Variants in CHST5 observed in about 807,000 individuals in gnomAD.
CHST5 encodes GST4-alpha.
For missense variants in CHST5, 637 were observed against 602.1 expected, an observed-to-expected ratio of 1.06 and a Z score of -0.61; for synonymous variants, 313 against 279.2, an observed-to-expected ratio of 1.12 and a Z score of -1.21.
Position 75,531,635 on chromosome 16 carries a change from C to T in CHST5, c.-1251G>A, listed in dbSNP as rs746362378. The T allele has an allele frequency of 2.6e-5, 34 of 1,303,304 alleles. No homozygotes were observed. The highest frequency in any genetic ancestry group is 2.9e-5 in the Non-Finnish European group (29 of 988,338). 80.7% of individuals were successfully genotyped at this position (1,303,304 alleles called of 1,614,324 possible). The stretch of plus-strand genomic sequence containing the variant: ...GATCACAAATCCATGGGAGATGTCT[C>T]GACATCTGGCAAAGCAGGAAGGAGA... On this transcript the variant is annotated 5_prime_UTR_variant, in exon 4 of 4. Transcript: ENST00000336257.
intron 2 of CHST5, among the ~76,000 whole-genome samples, chr16:75,534,666 A>G (rs1425747058): frequency 6.6e-6 from 1 of 151,844 alleles, no homozygotes; most frequent in African/African-American, 2.4e-5. Context: ...ACAAACAAAC[A>G]AAAAAACATT....
chr16:75,530,599 C>T lies in CHST5; in HGVS notation c.-215G>A, dbSNP rs921795378. On this transcript the variant is annotated 5_prime_UTR_variant, in exon 4 of 4. It adds an upstream start codon to the 5' untranslated region. Transcript: ENST00000336257. ...ATCAAACTGTCTACCTACCCACCCA[C>T]CCACCTACTTACATACCTACAGGCT... 1.1e-5 allele frequency: 16 copies of T among 1,419,664 alleles called. No individual in the cohort carries two copies. Among genetic ancestry groups the T allele is most frequent in the Middle Eastern group, 2.6e-4 (1 of 3,840 alleles). 87.9% of individuals were successfully genotyped at this position (1,419,664 alleles called of 1,614,324 possible).
In CHST5 at chr16:75,529,033, C is replaced by T. The variant is rs1260337653; in HGVS notation, c.*116G>A. On this transcript the variant is annotated 3_prime_UTR_variant, in exon 4 of 4. Transcript: ENST00000336257. ...GCCTACTTCAGGGGAGGACCCCAAA[C>T]TCCCGGTTGATAGTAGGGACCTGCT... is the stretch of plus-strand genomic sequence containing the variant. 1 of 1,175,868 alleles carries T rather than the reference C, an allele frequency of 8.5e-7. No homozygotes were observed. The highest frequency in any genetic ancestry group is 1.2e-6 in the Non-Finnish European group (1 of 857,736). 72.8% of individuals were successfully genotyped at this position (1,175,868 alleles called of 1,614,324 possible).
Position 75,530,517 on chromosome 16 carries a change from C to T in CHST5, c.-133G>A, listed in dbSNP as rs1597027222. On this transcript the variant is annotated 5_prime_UTR_variant, in exon 4 of 4. Coordinates refer to ENST00000336257, the MANE Select transcript of CHST5 (RefSeq NM_024533.5). ...CAGGAATACGGAGTCAAGACATAGG[C>T]CAGAATATAGTCTGTGCTCACAGCA... The T allele has an allele frequency of 4.1e-6, 6 of 1,447,162 alleles. No homozygotes were observed. In the East Asian group the frequency reaches 1.5e-4, roughly 36 times the overall value. 89.6% of individuals were successfully genotyped at this position (1,447,162 alleles called of 1,614,324 possible). A position where few individuals can be genotyped will look rare whatever the true frequency, so the allele number is the denominator to read the frequency against.
Position 75,530,040 on chromosome 16 carries a change from G to A in CHST5, c.345C>T (p.Arg115=), listed in dbSNP as rs2080502056. The A allele has an allele frequency of 5.0e-6, 8 of 1,613,404 alleles. No homozygotes were observed. The African/African-American group carries it at 9.3e-5, about 19-fold the overall frequency. Residue 115 remains arginine, a synonymous_variant, in exon 4 of 4, where the codon CGC becomes CGT. Coordinates refer to ENST00000336257, the MANE Select transcript of CHST5 (RefSeq NM_024533.5). The part of the protein sequence containing the change: ...GSAATLHMAV[R]DLMRSIFLCD... ...ACAAAAAGATAGAGCGCATCAGGTCGCGCACGGCCATGTGCAGCGTTGCCG... is the reference window on the plus strand; with the variant it reads ...ACAAAAAGATAGAGCGCATCAGGTCACGCACGGCCATGTGCAGCGTTGCCG...
At position 75,530,368 on chromosome 16, in the gene CHST5, C is replaced by T. The variant is rs752859562; in HGVS notation, c.17G>A (p.Arg6Gln). 4.5e-6 allele frequency: 7 copies of T among 1,551,060 alleles called. No homozygotes were observed. The highest frequency in any genetic ancestry group is 2.4e-5 in the South Asian group (2 of 82,670). Residue 6 changes from arginine to glutamine, a missense_variant, in exon 4 of 4, where the codon CGG becomes CAG. Coordinates refer to ENST00000336257, the MANE Select transcript of CHST5 (RefSeq NM_024533.5). Reference protein sequence around the residue: MGMRARVPKVAHSTRR... With the variant: MGMRAQVPKVAHSTRR... ...GGTGGAGTGGGCAACTTTAGGGACC[C>T]GGGCCCTCATGCCCATCCCATGCCC...
At chr16:75,532,937 C>G (rs1202755735) in intron 3 of CHST5, among the ~76,000 whole-genome samples, 152 bp downstream of exon 3, 1 of 152,248 alleles carries the variant, frequency 6.6e-6, no homozygotes, top group Non-Finnish European at 1.5e-5. Context: ...GCTCCTGGCA[C>G]TTCTGATCCC....
At chr16:75,532,685 G>C (rs1410866481) in intron 3 of CHST5, among the ~76,000 whole-genome samples, 1 of 152,186 alleles carries the variant, frequency 6.6e-6, no homozygotes, top group African/African-American at 2.4e-5. Flanking sequence ...CGCTACAAGT[G>C]CAACTGTACT....
rs988777318 is a variant in CHST5 at position 75,530,881 on chromosome 16, C to T, written c.-497G>A. The T allele has an allele frequency of 5.0e-5, 50 of 999,932 alleles. No homozygotes were observed. Among genetic ancestry groups the T allele is most frequent in the Non-Finnish European group, 5.5e-5 (46 of 829,866 alleles). The allele number at this position is 999,932 out of a possible 1,614,324, so 61.9% of individuals were successfully genotyped here. ...CCCGTGTGTGAAAGAGGGATAATTC[C>T]GGTACCTGGCTCACAGGATCTGGGG... On this transcript the variant is annotated 5_prime_UTR_variant, in exon 4 of 4. Transcript: ENST00000336257.
Position 75,529,977 on chromosome 16 carries a change from G to T in CHST5, c.408C>A (p.Ser136Arg), listed in dbSNP as rs141799117. Residue 136 changes from serine to arginine, a missense_variant, in exon 4 of 4, where the codon AGC (serine) becomes AGA (arginine). Coordinates refer to ENST00000336257, the MANE Select transcript of CHST5 (RefSeq NM_024533.5). ...MDVFDAYMPQ[S>R]RNLSAFFNWA... ...AGTTGAAAAAGGCGGACAGGTTTCGGCTCTGTGGCATGTAGGCATCAAACA... is the reference window on the plus strand; with the variant it reads ...AGTTGAAAAAGGCGGACAGGTTTCGTCTCTGTGGCATGTAGGCATCAAACA... The T allele has an allele frequency of 6.2e-7, 1 of 1,613,334 alleles. No individual in the cohort carries two copies. The highest frequency in any genetic ancestry group is 1.3e-5 in the African/African-American group (1 of 75,054).
In CHST5 at chr16:75,531,011, T is replaced by G; in HGVS notation, c.-627A>C. 1.0e-6 allele frequency: 1 copy of G among 1,001,320 alleles called. No individual in the cohort carries two copies. Among genetic ancestry groups the G allele is most frequent in the South Asian group, 4.7e-5 (1 of 21,354 alleles). 62.0% of individuals were successfully genotyped at this position (1,001,320 alleles called of 1,614,324 possible). On this transcript the variant is annotated 5_prime_UTR_variant, in exon 4 of 4. Transcript: ENST00000336257. Reference sequence around the variant, plus strand: ...AGGTGTGCTTCTGTATTATATAATTTTTTTAACAGGCAGGTATAAAACTTT... The same window carrying G: ...AGGTGTGCTTCTGTATTATATAATTGTTTTAACAGGCAGGTATAAAACTTT...
intron 2 of CHST5, 127 bp from the exon 3 acceptor site, chr16:75,533,310 C>A (rs1477864348): frequency 1.3e-5 from 9 of 687,856 alleles, no homozygotes; most frequent in Non-Finnish European, 2.4e-5. Flanking sequence ...CCTCCCAAGT[C>A]CCTTGGAGGT....
In CHST5 at chr16:75,530,555, C is replaced by A. The variant is rs2080510483; in HGVS notation, c.-171G>T. The A allele has an allele frequency of 7.0e-7, 1 of 1,435,674 alleles. No individual in the cohort carries two copies. Among genetic ancestry groups the A allele is most frequent in the Non-Finnish European group, 9.1e-7 (1 of 1,093,030 alleles). 88.9% of individuals were successfully genotyped at this position (1,435,674 alleles called of 1,614,324 possible). ...TGTGCTCACAGCAGAAGTCCAGTTGCAGAATAATGTGGGATATCATCAAAC... is the reference window on the plus strand; with the variant it reads ...TGTGCTCACAGCAGAAGTCCAGTTGAAGAATAATGTGGGATATCATCAAAC... On this transcript the variant is annotated 5_prime_UTR_variant, in exon 4 of 4. Coordinates refer to ENST00000336257, the MANE Select transcript of CHST5 (RefSeq NM_024533.5).
chr16:75,531,404 G>A lies in CHST5; in HGVS notation c.-1020C>T. The A allele has an allele frequency of 8.8e-7, 1 of 1,136,392 alleles. No homozygotes were observed. The highest frequency in any genetic ancestry group is 1.1e-6 in the Non-Finnish European group (1 of 904,638). 70.4% of individuals were successfully genotyped at this position (1,136,392 alleles called of 1,614,324 possible). ...ATAAAGTGGACAAAGAACAGCAACT[G>A]TTGTCATCACTGGTGGGGAGTGAAG... is the stretch of plus-strand genomic sequence containing the variant. On this transcript the variant is annotated 5_prime_UTR_variant, in exon 4 of 4. Coordinates refer to ENST00000336257, the MANE Select transcript of CHST5 (RefSeq NM_024533.5).
At position 75,535,297 on chromosome 16, in the gene CHST5, A is replaced by G. The variant is rs747134271; in HGVS notation, c.-1522T>C. 4.6e-5 allele frequency: 7 copies of G among 152,284 alleles called. No homozygotes were observed. The highest frequency in any genetic ancestry group is 1.3e-4 in the Admixed American group (2 of 15,288). The allele number at this position is 152,284 out of a possible 1,614,324, so 9.4% of individuals were successfully genotyped here. ...GGCTGACTTGCTCCTTAAGGTCCCA[A>G]GACTATTAAGGGACACCCAGTGAGG... On this transcript the variant is annotated 5_prime_UTR_variant, in exon 2 of 4. Transcript: ENST00000336257.
chr16:75,535,698 C>A lies in CHST5; in HGVS notation c.-1634-289G>T, dbSNP rs537329104. Reference sequence around the variant, plus strand: ...TTGCCCCCAGCTCCCTCTCCCCACCCCCGACCGAGGGGCCATGTCTCGGGG... The same window carrying A: ...TTGCCCCCAGCTCCCTCTCCCCACCACCGACCGAGGGGCCATGTCTCGGGG... On this transcript the variant is annotated intron_variant, in intron 1 of 3. Transcript: ENST00000336257. 4.6e-5 allele frequency among the ~76,000 whole-genome samples: 7 copies of A among 152,286 alleles called. No individual in the cohort carries two copies. The East Asian group carries it at 1.4e-3, about 29-fold the overall frequency.
chr16:75,532,799 C>T (rs193055344), intron 3 of CHST5, among the ~76,000 whole-genome samples: 1 of 152,366 alleles, frequency 6.6e-6, no homozygotes, highest in East Asian at 1.9e-4. Context: ...GTGCTAGGTG[C>T]TTCGAGTCCA....
At chr16:75,535,652 G>C (rs2080555963) in intron 1 of CHST5, among the ~76,000 whole-genome samples, 1 of 152,198 alleles carries the variant, frequency 6.6e-6, no homozygotes, top group African/African-American at 2.4e-5. Context: ...GGAAATGGGA[G>C]AAGGAAGGAA....
intron 1 of CHST5, among the ~76,000 whole-genome samples, 138 bp downstream of exon 1, chr16:75,535,906 G>A (rs2641803): frequency 0.035 from 5,342 of 152,298 alleles, 151 homozygotes; most frequent in African/African-American, 0.077. Flanking sequence ...GCTCCTGGGA[G>A]GACAAAGGCC....
Sources: allele counts gnomAD v4.1 joint callset (sites outside exome capture counted in the v4.1 genomes callset), GRCh38; gene constraint gnomAD v4.1.1; transcripts MANE v1.5; gene names NCBI Gene and HGNC (gene_info 2026-07-23, HGNC 2026-07-21).